Variants in SH3RF1 observed in about 807,000 individuals in gnomAD.
SH3RF1 encodes SH3 domain containing ring finger 1.
A neutral mutation model predicts 74.0 loss-of-function variants in SH3RF1; 32 were observed. The ratio of observed to expected loss-of-function variants is 0.43; its 90% CI spans 0.33 to 0.58. The LOEUF is 0.58. Ranked by LOEUF, SH3RF1 falls within the 20% of genes least tolerant of loss-of-function variation. The pLI is 0.05. For synonymous variants in SH3RF1, 396 were observed against 439.6 expected (o/e 0.90, Z 1.24); for missense variants, 954 against 1,130.9 (o/e 0.84, Z 2.24).
chr4:169,193,149 G>T (rs1579129736), intron 2 of SH3RF1, among the ~76,000 whole-genome samples: 1 of 151,804 alleles, frequency 6.6e-6, no homozygotes, highest in East Asian at 1.9e-4. Flanking sequence ...GAGTGGGAAG[G>T]GAGTGAGGGA....
chr4:169,160,510 C>G (rs1348220920), intron 2 of SH3RF1, among the ~76,000 whole-genome samples: 1 of 152,186 alleles, frequency 6.6e-6, no homozygotes, highest in Admixed American at 6.5e-5. Flanking sequence ...TAATTCACCC[C>G]AACTTGCTAA....
intron 2 of SH3RF1, among the ~76,000 whole-genome samples, chr4:169,182,870 G>A (rs1734535273): frequency 6.6e-6 from 1 of 152,112 alleles, no homozygotes; most frequent in African/African-American, 2.4e-5. Flanking sequence ...AAAAAAAGGA[G>A]AAAGGTGGTT....
intron 2 of SH3RF1, among the ~76,000 whole-genome samples, chr4:169,219,241 A>G (rs1219391123): frequency 6.6e-6 from 1 of 152,228 alleles, no homozygotes; most frequent in Non-Finnish European, 1.5e-5. Flanking sequence ...TAATGAGTAT[A>G]CATACTGGCA....
intron 4 of SH3RF1, among the ~76,000 whole-genome samples, chr4:169,140,973 GT>G (rs1733775339): frequency 7.0e-6 from 1 of 143,730 alleles, no homozygotes; most frequent in Admixed American, 6.8e-5. Context: ...TTGAGGTTTT[GT>G]TTTTTCTTTT....
chr4:169,261,352 G>A (rs1436068532), intron 2 of SH3RF1, among the ~76,000 whole-genome samples: 4 of 152,208 alleles, frequency 2.6e-5, no homozygotes, highest in Admixed American at 2.6e-4. Context: ...AGGACAGTGA[G>A]GAAAGAATAA....
intron 2 of SH3RF1, among the ~76,000 whole-genome samples, chr4:169,160,262 G>GT (rs1303267703): frequency 3.9e-5 from 6 of 152,218 alleles, no homozygotes; most frequent in Admixed American, 3.9e-4. Flanking sequence ...CCACAATATG[G>GT]TTTTTTGTGA....
chr4:169,248,911 G>A (rs1731052106), intron 2 of SH3RF1, among the ~76,000 whole-genome samples: 1 of 152,174 alleles, frequency 6.6e-6, no homozygotes, highest in Admixed American at 6.5e-5. Flanking sequence ...CCAATGTGAT[G>A]GTATTAAGAA....
At chr4:169,156,304 T>C in intron 3 of SH3RF1, 100 bp downstream of exon 3, 3 of 1,346,982 alleles carry the variant, frequency 2.2e-6, no homozygotes, top group Admixed American at 2.5e-5. Context: ...CACACAAAAC[T>C]TGTATTTTTT....
intron 2 of SH3RF1, among the ~76,000 whole-genome samples, chr4:169,207,276 AATT>A (rs1321900192): frequency 6.6e-6 from 1 of 152,090 alleles, no homozygotes; most frequent in Non-Finnish European, 1.5e-5. Flanking sequence ...AAAATAAAAG[AATT>A]AGTCAGGCAT....
At chr4:169,096,855 T>TA (rs1022039247) in intron 11 of SH3RF1, among the ~76,000 whole-genome samples, 168 bp from the exon 12 acceptor site, 18 of 152,220 alleles carry the variant, frequency 1.2e-4, no homozygotes, top group Non-Finnish European at 2.1e-4. Context: ...AGAGACTTAG[T>TA]ACTAACAAAG....
At chr4:169,234,175 T>C (rs1228267547) in intron 2 of SH3RF1, among the ~76,000 whole-genome samples, 1 of 152,162 alleles carries the variant, frequency 6.6e-6, no homozygotes, top group Non-Finnish European at 1.5e-5. Context: ...GCCAGGAACG[T>C]GTGACAATGT....
Position 169,269,313 on chromosome 4 carries a change from G to GCCTCGGCTCCTCCTCTTTGT in SH3RF1, c.-95-7_-95-6insACAAAGAGGAGGAGCCGAGG. On this transcript the variant is annotated splice_region_variant and splice_polypyrimidine_tract_variant and intron_variant, in intron 1 of 11. Coordinates refer to ENST00000284637, the MANE Select transcript of SH3RF1 (RefSeq NM_020870.4). ...CATCCATTTCAGACTTTGCTCTAGAGTCATGGGGAAAAGGGGGAAAAGAGA... is the reference window on the plus strand; with the variant it reads ...CATCCATTTCAGACTTTGCTCTAGAGCCTCGGCTCCTCCTCTTTGTTCATGGGGAAAAGGGGGAAAAGAGA... The GCCTCGGCTCCTCCTCTTTGT allele has an allele frequency of 7.8e-7, 1 of 1,285,350 alleles. No homozygotes were observed. Among genetic ancestry groups the GCCTCGGCTCCTCCTCTTTGT allele is most frequent in the Non-Finnish European group, 1.0e-6 (1 of 954,772 alleles). 79.6% of individuals were successfully genotyped at this position (1,285,350 alleles called of 1,614,324 possible).
Position 169,096,379 on chromosome 4 carries a change from G to A in SH3RF1, c.*140C>T. On this transcript the variant is annotated 3_prime_UTR_variant, in exon 12 of 12. Transcript: ENST00000284637. Reference sequence around the variant, plus strand: ...TCATTCTGCTCGCTGGGGTAACTGTGCTGGGGCATCAGAGTCACATACCAA... The same window carrying A: ...TCATTCTGCTCGCTGGGGTAACTGTACTGGGGCATCAGAGTCACATACCAA... 1 of 841,436 alleles carries A rather than the reference G, an allele frequency of 1.2e-6. No homozygotes were observed. The allele number at this position is 841,436 out of a possible 1,614,324, so 52.1% of individuals were successfully genotyped here.
At chr4:169,234,919 C>A (rs965582896) in intron 2 of SH3RF1, among the ~76,000 whole-genome samples, 2 of 152,034 alleles carry the variant, frequency 1.3e-5, no homozygotes, top group African/African-American at 2.4e-5. Context: ...CAGTAGCAAC[C>A]CCCTCCCCTG....
intron 2 of SH3RF1, among the ~76,000 whole-genome samples, chr4:169,174,460 G>C (rs1256982301): frequency 6.6e-6 from 1 of 152,192 alleles, no homozygotes; most frequent in Non-Finnish European, 1.5e-5. Flanking sequence ...GGTGGGGCAA[G>C]AGAGACTGCA....
At chr4:169,239,784 GCTGAGGCTGGTGGATCAC>G (rs1730876186) in intron 2 of SH3RF1, among the ~76,000 whole-genome samples, 1 of 152,168 alleles carries the variant, frequency 6.6e-6, no homozygotes, top group South Asian at 2.1e-4. Context: ...ATTTTGGGAG[GCTGAGGCTGGTGGATCAC>G]CTGAGGTCAG....
At chr4:169,251,426 A>T (rs934366702) in intron 2 of SH3RF1, among the ~76,000 whole-genome samples, 1 of 152,212 alleles carries the variant, frequency 6.6e-6, no homozygotes, top group Non-Finnish European at 1.5e-5. Flanking sequence ...TGCACAAAAC[A>T]AGATGACCAT....
intron 2 of SH3RF1, among the ~76,000 whole-genome samples, chr4:169,241,501 T>G (rs548800179): frequency 2.6e-4 from 40 of 152,236 alleles, no homozygotes; most frequent in African/African-American, 8.4e-4. Context: ...CCTTAGGAAG[T>G]AAAGGCCTTA....
chr4:169,246,981 T>C (rs1731004726), intron 2 of SH3RF1, among the ~76,000 whole-genome samples: 1 of 152,208 alleles, frequency 6.6e-6, no homozygotes, highest in Non-Finnish European at 1.5e-5. Flanking sequence ...AAATTAGAAA[T>C]GTACACTATT....
Sources: allele counts gnomAD v4.1 joint callset (sites outside exome capture counted in the v4.1 genomes callset), GRCh38; gene constraint gnomAD v4.1.1; transcripts MANE v1.5; gene names NCBI Gene and HGNC (gene_info 2026-07-23, HGNC 2026-07-21).